Variants in GRIK1 observed in about 807,000 individuals in gnomAD.
The protein encoded by GRIK1 is glutamate ionotropic receptor kainate type subunit 1.
GRIK1 carries 69 observed loss-of-function variants against 105.7 expected under a neutral mutation model. The observed-to-expected ratio is 0.65, with a 90% CI of 0.54 to 0.80. GRIK1 has a LOEUF of 0.80. GRIK1 is among the 30% of genes least tolerant of loss of function. The pLI is 0.00. For synonymous variants in GRIK1, 438 were observed against 431.3 expected, an observed-to-expected ratio of 1.02 and a Z score of -0.19; for missense variants, 1,109 against 1,167.3, an observed-to-expected ratio of 0.95 and a Z score of 0.73.
chr21:29,537,696 T>A (rs1435563879), intron 17 of GRIK1, 102 bp downstream of exon 17: 5 of 790,834 alleles, frequency 6.3e-6, no homozygotes, highest in Non-Finnish European at 1.1e-5. Flanking sequence ...GACACCAAAA[T>A]AGAGTTAAAT....
At chr21:29,867,208 A>G (rs75969046) in intron 1 of GRIK1, among the ~76,000 whole-genome samples, 1,789 of 152,264 alleles carry the variant, frequency 0.012, 43 homozygotes, top group African/African-American at 0.04. Context: ...CTTAGTGTGG[A>G]GCTGCTTTAG....
chr21:29,904,309 C>T (rs538127277), intron 1 of GRIK1, among the ~76,000 whole-genome samples: 1 of 141,372 alleles, frequency 7.1e-6, no homozygotes, highest in Non-Finnish European at 1.5e-5. Flanking sequence ...ATTGTGGACA[C>T]TTTTTTTTGG....
chr21:29,916,225 G>A (rs920250395), intron 1 of GRIK1, among the ~76,000 whole-genome samples: 2 of 151,756 alleles, frequency 1.3e-5, no homozygotes, highest in African/African-American at 4.8e-5. Flanking sequence ...ATATGTTTCA[G>A]TATATTAATA....
intron 1 of GRIK1, among the ~76,000 whole-genome samples, chr21:29,753,678 T>G (rs983255998): frequency 1.3e-5 from 2 of 152,202 alleles, no homozygotes; most frequent in African/African-American, 4.8e-5. Context: ...TGGCAGGCTA[T>G]TTTTAAAAGT....
chr21:29,921,520 G>A (rs905653058), intron 1 of GRIK1, among the ~76,000 whole-genome samples: 2 of 152,160 alleles, frequency 1.3e-5, no homozygotes, highest in African/African-American at 4.8e-5. Flanking sequence ...AAATACACCA[G>A]ACTTATAACA....
At chr21:29,829,166 C>A (rs1442432664) in intron 1 of GRIK1, among the ~76,000 whole-genome samples, 1 of 152,136 alleles carries the variant, frequency 6.6e-6, no homozygotes, top group Non-Finnish European at 1.5e-5. Flanking sequence ...GTAAAAACGG[C>A]ATGCATTAGT....
chr21:29,896,179 G>C (rs139308570), intron 1 of GRIK1, among the ~76,000 whole-genome samples: 2 of 152,142 alleles, frequency 1.3e-5, no homozygotes, highest in African/African-American at 4.8e-5. Context: ...ACACTCCAAA[G>C]GGAAGTTGTA....
At chr21:29,762,704 C>G (rs983449844) in intron 1 of GRIK1, among the ~76,000 whole-genome samples, 5 of 150,158 alleles carry the variant, frequency 3.3e-5, no homozygotes, top group Non-Finnish European at 7.3e-5. Flanking sequence ...GAGGACAGGA[C>G]CACCCTGTAT....
intron 1 of GRIK1, among the ~76,000 whole-genome samples, chr21:29,695,828 G>A (rs879290196): frequency 7.9e-5 from 12 of 152,198 alleles, no homozygotes; most frequent in Admixed American, 3.3e-4. Flanking sequence ...CCAAAAGTCA[G>A]TTGTAGGTTT....
intron 1 of GRIK1, among the ~76,000 whole-genome samples, chr21:29,776,073 A>G (rs1444188250): frequency 6.6e-6 from 1 of 152,208 alleles, no homozygotes; most frequent in Non-Finnish European, 1.5e-5. Flanking sequence ...AGGAACTACC[A>G]AACACTTTTA....
Position 29,864,905 on chromosome 21 carries a change from C to T in GRIK1, c.118+74478G>A, listed in dbSNP as rs73186499. Among the ~76,000 whole-genome samples, 603 of 152,242 alleles carry T rather than the reference C, an allele frequency of 4.0e-3. 1 individual carries two copies. The highest frequency in any genetic ancestry group is 7.5e-3 in the Non-Finnish European group (507 of 68,026). ...TGTCTAAAGCCATTATTGATGGTCA[C>T]GATTGGGTTGGGGTTGCTACTGGTA... On this transcript the variant is annotated intron_variant, in intron 1 of 17. Coordinates refer to ENST00000327783, the MANE Select transcript of GRIK1 (RefSeq NM_001330994.2).
intron 1 of GRIK1, among the ~76,000 whole-genome samples, chr21:29,841,035 C>T (rs1254932043): frequency 1.3e-5 from 2 of 152,034 alleles, no homozygotes; most frequent in Non-Finnish European, 2.9e-5. Flanking sequence ...TCTAGAAAAA[C>T]CATATGTAAT....
chr21:29,846,312 C>T (rs2409352), intron 1 of GRIK1, among the ~76,000 whole-genome samples: 48,973 of 148,488 alleles, frequency 0.33, 8,684 homozygotes, highest in African/African-American at 0.46. Context: ...CGCTTGAAGC[C>T]GGGAGGCGGA....
At chr21:29,921,569 G>C (rs1198579689) in intron 1 of GRIK1, among the ~76,000 whole-genome samples, 1 of 152,108 alleles carries the variant, frequency 6.6e-6, no homozygotes, top group African/African-American at 2.4e-5. Context: ...TTTTAATTAA[G>C]TCTTTTGAAT....
intron 1 of GRIK1, among the ~76,000 whole-genome samples, chr21:29,785,357 T>C (rs189519756): frequency 6.6e-6 from 1 of 151,922 alleles, no homozygotes; most frequent in Non-Finnish European, 1.5e-5. Flanking sequence ...GAGGTCAGGA[T>C]TTTTGAGCTA....
chr21:29,568,273 G>C (rs1426566208), intron 14 of GRIK1, among the ~76,000 whole-genome samples: 2 of 152,246 alleles, frequency 1.3e-5, no homozygotes, highest in Admixed American at 1.3e-4. Flanking sequence ...TATGTGAAGA[G>C]TGCCTTCCTA....
chr21:29,878,377 G>C (rs939127087), intron 1 of GRIK1, among the ~76,000 whole-genome samples: 3 of 152,140 alleles, frequency 2.0e-5, no homozygotes, highest in Non-Finnish European at 2.9e-5. Flanking sequence ...AAGGAGGTTA[G>C]AGTGCAATGT....
At chr21:29,769,686 C>T (rs529398201) in intron 1 of GRIK1, among the ~76,000 whole-genome samples, 5 of 152,070 alleles carry the variant, frequency 3.3e-5, no homozygotes, top group Non-Finnish European at 7.4e-5. Flanking sequence ...TGGACCGGTA[C>T]CGGTCTATGC....
chr21:29,796,612 A>T (rs2066564160), intron 1 of GRIK1, among the ~76,000 whole-genome samples: 1 of 152,092 alleles, frequency 6.6e-6, no homozygotes, highest in Non-Finnish European at 1.5e-5. Flanking sequence ...CTTGGTTTCC[A>T]TTATTATACA....
Sources: gnomAD v4.1 joint callset for allele counts (sites outside exome capture counted in the v4.1 genomes callset) on GRCh38, gnomAD v4.1.1 for gene constraint, MANE v1.5 for transcripts, NCBI Gene and HGNC (gene_info 2026-07-23, HGNC 2026-07-21) for gene names.